CCDC171: variants seen among roughly 807,000 people sequenced by gnomAD.
CCDC171 encodes coiled-coil domain-containing protein 171.
CCDC171 carries 177 observed loss-of-function variants against 168.2 expected under a neutral mutation model. That is an observed-to-expected ratio of 1.05 (90% CI 0.93 to 1.19). CCDC171 has a LOEUF of 1.19. Among genes scored for constraint, CCDC171 ranks in the 50% most tolerant of loss-of-function variants. CCDC171 has a pLI of 0.00. For synonymous variants in CCDC171, 687 were observed against 540.8 expected, an observed-to-expected ratio of 1.27 and a Z score of -3.75; for missense variants, 1,991 against 1,539.0, an observed-to-expected ratio of 1.29 and a Z score of -4.91.
At chr9:15,735,456 A>C (rs2054433423) in intron 16 of CCDC171, among the ~76,000 whole-genome samples, 1 of 152,186 alleles carries the variant, frequency 6.6e-6, no homozygotes, top group Admixed American at 6.5e-5. Context: ...CTGTCAGTTA[A>C]TTAAGGGTTA....
chr9:15,724,723 C>A, intron 13 of CCDC171, 53 bp from the exon 14 acceptor site: 1 of 1,216,060 alleles, frequency 8.2e-7, no homozygotes, highest in Non-Finnish European at 1.2e-6. Flanking sequence ...AGTGTCCCCT[C>A]ACCCCTTGTT....
intron 24 of CCDC171, among the ~76,000 whole-genome samples, chr9:15,887,310 T>G (rs1186004079): frequency 6.6e-6 from 1 of 152,160 alleles, no homozygotes; most frequent in East Asian, 1.9e-4. Context: ...CAGTGAAATG[T>G]AGAGTAATTT....
At chr9:15,860,142 GT>G (rs34321651) in intron 23 of CCDC171, among the ~76,000 whole-genome samples, 58,663 of 147,486 alleles carry the variant, frequency 0.4, 11,610 homozygotes, top group African/African-American at 0.44. Flanking sequence ...TCCTTTTTGT[GT>G]TTTTTTTTTA....
chr9:15,665,266 A>G (rs543099950), intron 8 of CCDC171, among the ~76,000 whole-genome samples: 4 of 152,154 alleles, frequency 2.6e-5, no homozygotes, highest in Non-Finnish European at 5.9e-5. Context: ...AGCTGGGACT[A>G]CAGGCGCCGG....
intron 6 of CCDC171, among the ~76,000 whole-genome samples, chr9:15,618,295 A>G (rs2044242209): frequency 6.6e-6 from 1 of 151,900 alleles, no homozygotes; most frequent in Non-Finnish European, 1.5e-5. Flanking sequence ...CCCAGTCCAA[A>G]CCTCCCAGTC....
In CCDC171 at chr9:15,677,925, T is replaced by TATATATATATATATA. The variant is rs59883669; in HGVS notation, c.1077-832_1077-831insTATATATATATATAA. On this transcript the variant is annotated intron_variant, in intron 9 of 25. Coordinates refer to ENST00000380701, the MANE Select transcript of CCDC171 (RefSeq NM_173550.4). Reference sequence around the variant, plus strand: ...ATATATATATATATATATATATATATAAGAGATGTGGTCTCATTCTGTTAC... The same window carrying TATATATATATATATA: ...ATATATATATATATATATATATATATATATATATATATATAAAGAGATGTGGTCTCATTCTGTTAC... 2.8e-3 allele frequency among the ~76,000 whole-genome samples: 118 copies of TATATATATATATATA among 41,862 alleles called. 26 individuals carry two copies. The highest frequency in any genetic ancestry group is 3.4e-3 in the Admixed American group (10 of 2,978). The allele number at this position is 41,862 out of a possible 152,430, so 27.5% of individuals were successfully genotyped here.
chr9:15,942,181 G>A (rs1827807141), intron 25 of CCDC171, among the ~76,000 whole-genome samples: 2 of 151,876 alleles, frequency 1.3e-5, no homozygotes, highest in South Asian at 2.1e-4. Context: ...TATGTGAGTA[G>A]GAGATTGCTC....
chr9:15,951,912 T>A (rs745594941), intron 25 of CCDC171, among the ~76,000 whole-genome samples: 1 of 152,210 alleles, frequency 6.6e-6, no homozygotes, highest in Non-Finnish European at 1.5e-5. Flanking sequence ...CCTGTGCCTG[T>A]TGTGTCAAAT....
intron 25 of CCDC171, among the ~76,000 whole-genome samples, chr9:15,934,389 CAAAAA>C (rs71304892): frequency 1.7e-5 from 2 of 114,294 alleles, no homozygotes; most frequent in Non-Finnish European, 3.5e-5. Context: ...GACCCTGTCT[CAAAAA>C]AAAAAAAAAA....
chr9:15,979,846 G>T (rs2132864725), intron 3 of CCDC171, among the ~76,000 whole-genome samples: 1 of 151,730 alleles, frequency 6.6e-6, no homozygotes, highest in East Asian at 1.9e-4. Flanking sequence ...TAAAGAGTTT[G>T]GGAAGGGTTA....
At chr9:16,001,747 C>A (rs546409416) in intron 3 of CCDC171, among the ~76,000 whole-genome samples, 2 of 151,500 alleles carry the variant, frequency 1.3e-5, no homozygotes, top group South Asian at 4.2e-4. Context: ...ACCTGTGCTG[C>A]AAGTAATAGA....
At chr9:15,869,893 A>T (rs536325351) in intron 23 of CCDC171, among the ~76,000 whole-genome samples, 4 of 151,914 alleles carry the variant, frequency 2.6e-5, no homozygotes, top group Admixed American at 2.0e-4. Context: ...CTGGTGAGAG[A>T]TAGTCATTTA....
intron 4 of CCDC171, among the ~76,000 whole-genome samples, chr9:15,588,927 G>A (rs2041788165): frequency 6.6e-6 from 1 of 151,764 alleles, no homozygotes; most frequent in East Asian, 1.9e-4. Flanking sequence ...AGCCAGGATG[G>A]TCTCGATGTC....
At chr9:15,980,140 A>G (rs1831747331) in intron 3 of CCDC171, among the ~76,000 whole-genome samples, 1 of 152,206 alleles carries the variant, frequency 6.6e-6, no homozygotes, top group Non-Finnish European at 1.5e-5. Flanking sequence ...TTTAGATGTA[A>G]TAATACAAAG....
intron 5 of CCDC171, among the ~76,000 whole-genome samples, chr9:15,593,138 A>C (rs2042110810): frequency 6.6e-6 from 1 of 152,020 alleles, no homozygotes. Context: ...TTGGGGGAAA[A>C]AAAAGCCTCA....
intron 2 of CCDC171, among the ~76,000 whole-genome samples, chr9:15,567,022 A>G (rs1587002993): frequency 7.4e-6 from 1 of 135,598 alleles, no homozygotes; most frequent in Non-Finnish European, 1.5e-5. Context: ...ATTGATCTAC[A>G]TGTCCTTTTT....
chr9:15,829,449 T>C (rs2060141548), intron 21 of CCDC171, among the ~76,000 whole-genome samples: 1 of 152,222 alleles, frequency 6.6e-6, no homozygotes, highest in South Asian at 2.1e-4. Flanking sequence ...GAGGGAGATG[T>C]GAAGAAAGAT....
intron 11 of CCDC171, among the ~76,000 whole-genome samples, chr9:15,716,236 A>G (rs995063001): frequency 6.6e-6 from 1 of 152,232 alleles, no homozygotes; most frequent in Non-Finnish European, 1.5e-5. Context: ...ATTCAAGTAT[A>G]AAGTGTTCCT....
intron 16 of CCDC171, among the ~76,000 whole-genome samples, chr9:15,739,494 G>A (rs759713625): frequency 2.0e-4 from 31 of 152,090 alleles, no homozygotes; most frequent in Non-Finnish European, 3.4e-4. Context: ...TGGGCAAATT[G>A]TGTAACTTCT....
Sources: gnomAD v4.1 joint callset for allele counts (sites outside exome capture counted in the v4.1 genomes callset) on GRCh38, gnomAD v4.1.1 for gene constraint, MANE v1.5 for transcripts, NCBI Gene and HGNC (gene_info 2026-07-23, HGNC 2026-07-21) for gene names.